The following VPS13B variants were observed in gnomAD, a reference collection of about 807,000 sequenced individuals.
VPS13B encodes the protein intermembrane lipid transfer protein VPS13B.
Under a neutral mutation model 426.4 loss-of-function variants are expected in VPS13B, and 285 were observed. The ratio of observed to expected loss-of-function variants is 0.67; its 90% confidence interval spans 0.61 to 0.74. VPS13B has a LOEUF of 0.74. Ranked by LOEUF, VPS13B falls within the 30% of genes least tolerant of loss-of-function variation. VPS13B has a pLI of 0.00. For synonymous variants in VPS13B, 1,676 were observed against 1,676.4 expected (o/e 1.00, Z 0.01); for missense variants, 4,537 against 4,782.6 (o/e 0.95, Z 1.51).
intron 35 of VPS13B, among the ~76,000 whole-genome samples, chr8:99,665,399 T>G: frequency 6.6e-6 from 1 of 152,332 alleles, no homozygotes; most frequent in East Asian, 1.9e-4. Context: ...TGCCCATGCC[T>G]ATGTCCTGAA....
intron 14 of VPS13B, among the ~76,000 whole-genome samples, chr8:99,150,922 T>C (rs771648317): frequency 2.6e-5 from 4 of 152,206 alleles, no homozygotes; most frequent in African/African-American, 4.8e-5. Context: ...ATGGATTGTA[T>C]GCTAAAAGTA....
intron 30 of VPS13B, among the ~76,000 whole-genome samples, chr8:99,525,773 G>A (rs1822609172): frequency 6.6e-6 from 1 of 152,146 alleles, no homozygotes; most frequent in South Asian, 2.1e-4. Context: ...AAGTGACATG[G>A]AGACAACAAA....
intron 30 of VPS13B, among the ~76,000 whole-genome samples, chr8:99,548,694 C>T (rs1300602883): frequency 6.6e-6 from 1 of 151,682 alleles, no homozygotes; most frequent in Non-Finnish European, 1.5e-5. Flanking sequence ...ATATCTTACA[C>T]ATTAAAAAAT....
At position 99,713,350 on chromosome 8, in the gene VPS13B, T is replaced by C. The variant is rs147084116; in HGVS notation, c.6455-3821T>C. ...GATAATTACCTTTGCTTCCATAAACTTGTTCTTTATGGCTTTCTTAGTTCT... is the reference window on the plus strand; with the variant it reads ...GATAATTACCTTTGCTTCCATAAACCTGTTCTTTATGGCTTTCTTAGTTCT... On this transcript the variant is annotated intron_variant, in intron 36 of 61. Transcript: ENST00000357162. Among the ~76,000 whole-genome samples, 737 of 152,282 alleles carry C rather than the reference T, an allele frequency of 4.8e-3. 4 individuals carry two copies. The highest frequency in any genetic ancestry group is 0.017 in the African/African-American group (696 of 41,552).
chr8:99,570,681 T>C (rs1825430715), intron 31 of VPS13B, among the ~76,000 whole-genome samples: 1 of 152,226 alleles, frequency 6.6e-6, no homozygotes, highest in South Asian at 2.1e-4. Context: ...CTTTTGAAAA[T>C]GGGATCTAAT....
chr8:99,749,866 C>T (rs1157003913), intron 39 of VPS13B, among the ~76,000 whole-genome samples: 6 of 152,040 alleles, frequency 3.9e-5, no homozygotes, highest in African/African-American at 1.4e-4. Flanking sequence ...CGACAGTGTA[C>T]ATGGGTTCCC....
At chr8:99,282,520 C>G (rs1288777586) in intron 19 of VPS13B, among the ~76,000 whole-genome samples, 1 of 152,124 alleles carries the variant, frequency 6.6e-6, no homozygotes, top group East Asian at 1.9e-4. Context: ...TATGAACCTA[C>G]TTGGAAAGCT....
chr8:99,311,766 G>T (rs1332697944), intron 19 of VPS13B, among the ~76,000 whole-genome samples: 1 of 152,134 alleles, frequency 6.6e-6, no homozygotes, highest in African/African-American at 2.4e-5. Flanking sequence ...TGTTGATAGT[G>T]GGGTGTTATA....
chr8:99,607,721 G>A (rs1827660566), intron 33 of VPS13B, among the ~76,000 whole-genome samples: 1 of 152,036 alleles, frequency 6.6e-6, no homozygotes, highest in African/African-American at 2.4e-5. Context: ...ATTTATGTGG[G>A]TTGGCTATAA....
At chr8:99,212,145 G>C (rs1326607092) in intron 17 of VPS13B, among the ~76,000 whole-genome samples, 1 of 152,098 alleles carries the variant, frequency 6.6e-6, no homozygotes, top group African/African-American at 2.4e-5. Context: ...CGCCCGCCTT[G>C]GCGTCCCACA....
At chr8:99,614,746 ACTT>A (rs1828007117) in intron 33 of VPS13B, among the ~76,000 whole-genome samples, 1 of 152,202 alleles carries the variant, frequency 6.6e-6, no homozygotes, top group South Asian at 2.1e-4. Context: ...GATTAAATAA[ACTT>A]CTATTATTTT....
At chr8:99,265,978 T>C (rs529961374) in intron 17 of VPS13B, among the ~76,000 whole-genome samples, 1 of 152,348 alleles carries the variant, frequency 6.6e-6, no homozygotes, top group East Asian at 1.9e-4. Context: ...AATTTCTTAA[T>C]AGTCTTTTGG....
At chr8:99,855,555 C>T (rs891079981) in intron 56 of VPS13B, among the ~76,000 whole-genome samples, 1 of 152,136 alleles carries the variant, frequency 6.6e-6, no homozygotes, top group African/African-American at 2.4e-5. Flanking sequence ...TCAGCCCTTT[C>T]CAATAAAGAA....
At chr8:99,516,746 C>G (rs1311568594) in intron 29 of VPS13B, among the ~76,000 whole-genome samples, 1 of 133,128 alleles carries the variant, frequency 7.5e-6, no homozygotes, top group Non-Finnish European at 1.5e-5. Flanking sequence ...TGTGGTCACA[C>G]CACCAAACTC....
Position 99,835,467 on chromosome 8 carries a change from C to T in VPS13B, c.9743-72C>T, listed in dbSNP as rs1397095202. On this transcript the variant is annotated intron_variant, in intron 53 of 61. Transcript: ENST00000357162. The stretch of plus-strand genomic sequence containing the variant: ...TCTCTTTTTGAGAAGTTTCTTTTGC[C>T]ACATTATGTTCTGTCCCCCAAGTCT... 8 of 1,542,268 alleles carry T rather than the reference C, an allele frequency of 5.2e-6. No individual in the cohort carries two copies. In the African/African-American group the frequency reaches 1.1e-4, roughly 21 times the overall value.
chr8:99,445,171 G>A (rs192148551), intron 23 of VPS13B, among the ~76,000 whole-genome samples: 12 of 150,384 alleles, frequency 8.0e-5, no homozygotes, highest in Non-Finnish European at 1.5e-4. Flanking sequence ...TTCCTTGATG[G>A]CTTTCTTTGT....
At chr8:99,471,213 A>G (rs1371180080) in intron 24 of VPS13B, among the ~76,000 whole-genome samples, 5 of 152,154 alleles carry the variant, frequency 3.3e-5, no homozygotes, top group African/African-American at 9.6e-5. Flanking sequence ...GGAATGAAGG[A>G]AAACCAACAG....
At chr8:99,447,809 T>C (rs1817994827) in intron 23 of VPS13B, among the ~76,000 whole-genome samples, 1 of 152,054 alleles carries the variant, frequency 6.6e-6, no homozygotes. Flanking sequence ...AACATATTTA[T>C]CGTGTTGCTG....
At chr8:99,195,313 C>T (rs182002340) in intron 17 of VPS13B, among the ~76,000 whole-genome samples, 1 of 152,116 alleles carries the variant, frequency 6.6e-6, no homozygotes, top group South Asian at 2.1e-4. Context: ...TACTTGTTGG[C>T]CATTTGTATG....
Sources: gnomAD v4.1 joint callset for allele counts (sites outside exome capture counted in the v4.1 genomes callset) on GRCh38, gnomAD v4.1.1 for gene constraint, MANE v1.5 for transcripts, NCBI Gene and HGNC (gene_info 2026-07-23, HGNC 2026-07-21) for gene names.